The following PDE12 variants were observed in gnomAD, a reference collection of about 807,000 sequenced individuals.
PDE12 encodes 2',5'-phosphodiesterase 12.
PDE12 carries 26 observed loss-of-function variants against 45.4 expected under a neutral mutation model. The ratio of observed to expected loss-of-function variants is 0.57; its 90% CI spans 0.42 to 0.79. The LOEUF (loss-of-function observed/expected upper bound fraction) is 0.79, where lower values mean the gene tolerates loss of function less well. Ranked by LOEUF, PDE12 falls within the 30% of genes least tolerant of loss-of-function variation. The pLI, the probability that PDE12 is intolerant of heterozygous loss-of-function variation, is 0.00. For synonymous variants in PDE12, 283 were observed against 323.9 expected (o/e 0.87, Z 1.36); for missense variants, 668 against 790.0 (o/e 0.85, Z 1.85).
downstream of PDE12, among the ~76,000 whole-genome samples, chr3:57,570,155 C>G (rs554930684): frequency 1.3e-4 from 20 of 150,892 alleles, no homozygotes; most frequent in East Asian, 3.3e-3. Flanking sequence ...GTAACACAAA[C>G]TAAACATACA....
At chr3:57,611,744 A>G in the PDE12 span, among the ~76,000 whole-genome samples, 5 of 152,096 alleles carry the variant, frequency 3.3e-5, no homozygotes, top group South Asian at 2.1e-4. Flanking sequence ...AACAGGTGCT[A>G]GAGAGGATGT....
the PDE12 span, among the ~76,000 whole-genome samples, chr3:57,576,184 A>C: frequency 6.6e-6 from 1 of 152,238 alleles, no homozygotes. Flanking sequence ...TGCATGATGC[A>C]ATATAGACGA....
Position 57,565,421 on chromosome 3 carries a change from TG to T in PDE12, c.*5418del, listed in dbSNP as rs1165331343. 2 of 152,116 alleles carry T rather than the reference TG, an allele frequency of 1.3e-5. No homozygotes were observed. Among genetic ancestry groups the T allele is most frequent in the African/African-American group, 4.8e-5 (2 of 41,338 alleles). The allele number at this position is 152,116 out of a possible 1,614,324, so 9.4% of individuals were successfully genotyped here. On this transcript the variant is annotated 3_prime_UTR_variant, in exon 3 of 3. Coordinates refer to ENST00000311180, the MANE Select transcript of PDE12 (RefSeq NM_177966.7). ...ACATATTTCTTTTGATAGAGTAAAT[TG>T]AGTATTCATCACATCAAGCATTCAT... is the stretch of plus-strand genomic sequence containing the variant.
chr3:57,594,480 T>C, the PDE12 span, among the ~76,000 whole-genome samples: 2 of 152,234 alleles, frequency 1.3e-5, no homozygotes, highest in Non-Finnish European at 2.9e-5. Flanking sequence ...TGTCAATCAA[T>C]AGTTCAGATG....
At chr3:57,648,819 G>C in the PDE12 span, among the ~76,000 whole-genome samples, 1 of 152,172 alleles carries the variant, frequency 6.6e-6, no homozygotes, top group Non-Finnish European at 1.5e-5. Context: ...GCCACATGTA[G>C]AAGAATGAAA....
the PDE12 span, among the ~76,000 whole-genome samples, chr3:57,604,820 C>T: frequency 6.6e-6 from 1 of 151,834 alleles, no homozygotes; most frequent in African/African-American, 2.4e-5. Context: ...GCTTTGTTGC[C>T]TAGGCTGGTC....
At chr3:57,639,054 TG>T in the PDE12 span, among the ~76,000 whole-genome samples, 5 of 152,068 alleles carry the variant, frequency 3.3e-5, no homozygotes, top group Non-Finnish European at 5.9e-5. Context: ...GCTATGATTG[TG>T]CCAATGCACT....
At chr3:57,652,591 A>G in the PDE12 span, among the ~76,000 whole-genome samples, 1 of 152,252 alleles carries the variant, frequency 6.6e-6, no homozygotes, top group Non-Finnish European at 1.5e-5. Context: ...ACATCAATAA[A>G]TAACATATAT....
chr3:57,609,787 C>T, the PDE12 span, among the ~76,000 whole-genome samples: 2 of 152,096 alleles, frequency 1.3e-5, no homozygotes. Flanking sequence ...AGATTCACAG[C>T]CGAATTCTAC....
chr3:57,594,782 T>C, the PDE12 span, among the ~76,000 whole-genome samples: 4 of 152,294 alleles, frequency 2.6e-5, no homozygotes, highest in East Asian at 1.9e-4. Context: ...ATTCCAACAG[T>C]TGAATGGGGC....
At chr3:57,602,086 A>T in the PDE12 span, among the ~76,000 whole-genome samples, 2 of 152,028 alleles carry the variant, frequency 1.3e-5, no homozygotes, top group Admixed American at 6.6e-5. Flanking sequence ...ATTTGAGCAG[A>T]TATATTCTAT....
downstream of PDE12, among the ~76,000 whole-genome samples, chr3:57,568,456 A>G (rs1258655497): frequency 1.3e-5 from 2 of 151,396 alleles, no homozygotes; most frequent in African/African-American, 4.8e-5. Context: ...CCCTGTCTCA[A>G]AAAAAAAAGT....
chr3:57,628,180 A>G, the PDE12 span: 3 of 1,604,650 alleles, frequency 1.9e-6, no homozygotes, highest in Non-Finnish European at 2.6e-6. Context: ...TTCATGATGC[A>G]TAATCCTTTT....
chr3:57,585,665 C>CTTTTT, the PDE12 span, among the ~76,000 whole-genome samples: 1 of 137,078 alleles, frequency 7.3e-6, no homozygotes, highest in Non-Finnish European at 1.5e-5. Flanking sequence ...TATCTAAATT[C>CTTTTT]TTTTTTTTTT....
chr3:57,654,534 G>A, the PDE12 span: 3 of 739,382 alleles, frequency 4.1e-6, no homozygotes, highest in African/African-American at 5.8e-5. Context: ...TAACTGATGT[G>A]TCTCTCATTG....
At chr3:57,568,991 TTTGACAATTAG>T (rs1356187992), downstream of PDE12, among the ~76,000 whole-genome samples, 1 of 152,188 alleles carries the variant, frequency 6.6e-6, no homozygotes, top group African/African-American at 2.4e-5. Context: ...ACTGACATTA[TTTGACAATTAG>T]TTGACAGAAT....
chr3:57,624,723 C>T, the PDE12 span, among the ~76,000 whole-genome samples: 1 of 150,986 alleles, frequency 6.6e-6, no homozygotes, highest in Admixed American at 6.6e-5. Flanking sequence ...GAGATCACAC[C>T]ACTGCACTCC....
At chr3:57,576,967 T>C in the PDE12 span, among the ~76,000 whole-genome samples, 24,630 of 151,712 alleles carry the variant, frequency 0.16, 2,647 homozygotes, top group East Asian at 0.48. Flanking sequence ...TACAGCACTA[T>C]AGATTTGATA....
chr3:57,604,051 G>A, the PDE12 span, among the ~76,000 whole-genome samples: 1 of 151,730 alleles, frequency 6.6e-6, no homozygotes. Flanking sequence ...AGCCTCCCAA[G>A]TAGCTGAGAT....
Sources: allele counts gnomAD v4.1 joint callset (sites outside exome capture counted in the v4.1 genomes callset), GRCh38; gene constraint gnomAD v4.1.1; transcripts MANE v1.5; gene names NCBI Gene and HGNC (gene_info 2026-07-23, HGNC 2026-07-21).